Variants in FOXK1 observed in about 807,000 individuals in gnomAD.
FOXK1 encodes the protein forkhead box protein K1.
Under a neutral mutation model 51.9 loss-of-function variants are expected in FOXK1, and 19 were observed. That is an observed-to-expected ratio of 0.37 (90% CI 0.26 to 0.54). The LOEUF (loss-of-function observed/expected upper bound fraction) is 0.54, where lower values mean the gene tolerates loss of function less well. Ranked by LOEUF, FOXK1 falls within the 20% of genes least tolerant of loss-of-function variation. The pLI, the probability that FOXK1 is intolerant of heterozygous loss-of-function variation, is 0.87. For synonymous variants in FOXK1, 537 were observed against 482.6 expected, an observed-to-expected ratio of 1.11 and a Z score of -1.48; for missense variants, 870 against 1,032.7, an observed-to-expected ratio of 0.84 and a Z score of 2.16.
chr7:4,706,166 G>A (rs1780099813), intron 1 of FOXK1, among the ~76,000 whole-genome samples: 1 of 151,738 alleles, frequency 6.6e-6, no homozygotes, highest in African/African-American at 2.4e-5. Context: ...AGGTAACAGC[G>A]AACGTCATTT....
chr7:4,729,483 G>A lies in FOXK1; in HGVS notation c.561-11355G>A, dbSNP rs528926190. ...GGATTTTGAAGGAGCTGTGAACACC[G>A]AGGGTGCCGTCCTCGCCTGTGCTGC... On this transcript the variant is annotated intron_variant, in intron 1 of 8. Transcript: ENST00000328914. This position sits in a 1 kb window ranked among gnomAD's most constrained non-coding sequence, Gnocchi z 6.2. Among the ~76,000 whole-genome samples, 565 of 152,262 alleles carry A rather than the reference G, an allele frequency of 3.7e-3. 3 individuals are homozygous for A. The highest frequency in any genetic ancestry group is 0.013 in the African/African-American group (531 of 41,558).
intron 1 of FOXK1, among the ~76,000 whole-genome samples, chr7:4,704,621 C>T (rs58994313): frequency 0.053 from 8,087 of 152,022 alleles, 698 homozygotes; most frequent in African/African-American, 0.18. Context: ...CCACGCAGCA[C>T]GCAGCAGGAG....
intron 1 of FOXK1, among the ~76,000 whole-genome samples, chr7:4,712,396 G>C (rs775418351): frequency 1.3e-5 from 2 of 152,170 alleles, no homozygotes; most frequent in Non-Finnish European, 2.9e-5. Flanking sequence ...CCGTTCCTTG[G>C]AGTGAAGGCT....
chr7:4,733,793 C>T lies in FOXK1; in HGVS notation c.561-7045C>T, dbSNP rs1006174848. The stretch of plus-strand genomic sequence containing the variant: ...TGTTTCTCTCACGGGAGAGGCTGCT[C>T]TGAGGTCCCCGAAGCTGCAGGCTGG... On this transcript the variant is annotated intron_variant, in intron 1 of 8. Transcript: ENST00000328914. The surrounding 1 kb of genome is among the most constrained non-coding windows in gnomAD (Gnocchi z 5.0). 2.0e-5 allele frequency among the ~76,000 whole-genome samples: 3 copies of T among 152,236 alleles called. No individual in the cohort carries two copies. Among genetic ancestry groups the T allele is most frequent in the Non-Finnish European group, 4.4e-5 (3 of 68,032 alleles).
chr7:4,741,110 A>C, intron 2 of FOXK1, 87 bp downstream of exon 2: 3 of 970,872 alleles, frequency 3.1e-6, no homozygotes, highest in Non-Finnish European at 4.3e-6. Context: ...CCGGGTTCCA[A>C]ATCTCTCTGG....
Position 4,743,030 on chromosome 7 carries a change from A to G in FOXK1, c.746+2007A>G, listed in dbSNP as rs1780655167. ...CTCTGTGCGGTCACTTCAGCCCCCC[A>G]CCTTCCCGGGCCCGGTTCCCGTCTG... is the stretch of plus-strand genomic sequence containing the variant. On this transcript the variant is annotated intron_variant, in intron 2 of 8. Transcript: ENST00000328914. The surrounding 1 kb of genome is among the most constrained non-coding windows in gnomAD (Gnocchi z 5.3). Among the ~76,000 whole-genome samples, 1 of 151,758 alleles carries G rather than the reference A, an allele frequency of 6.6e-6. No homozygotes were observed. The highest frequency in any genetic ancestry group is 6.6e-5 in the Admixed American group (1 of 15,238).
intron 1 of FOXK1, among the ~76,000 whole-genome samples, chr7:4,724,580 A>T (rs188920700): frequency 1.3e-5 from 2 of 152,068 alleles, no homozygotes; most frequent in African/African-American, 4.8e-5. Flanking sequence ...AAATGTGTCA[A>T]TCAGGGGTCT....
intron 1 of FOXK1, among the ~76,000 whole-genome samples, chr7:4,702,798 C>A (rs964339003): frequency 3.9e-5 from 6 of 152,162 alleles, no homozygotes; most frequent in African/African-American, 1.4e-4. Context: ...TGGGTGTAGC[C>A]CCCCATCCTG....
intron 1 of FOXK1, among the ~76,000 whole-genome samples, chr7:4,732,990 T>C (rs1330570157): frequency 6.6e-6 from 1 of 152,164 alleles, no homozygotes; most frequent in Non-Finnish European, 1.5e-5. Flanking sequence ...ATTCCTGTCC[T>C]TCAGTTCTCC....
rs1194609891 is a variant in FOXK1 at position 4,748,001 on chromosome 7, A to G, written c.747-6458A>G. 6.6e-6 allele frequency among the ~76,000 whole-genome samples: 1 copy of G among 152,206 alleles called. No individual in the cohort carries two copies. Among genetic ancestry groups the G allele is most frequent in the East Asian group, 1.9e-4 (1 of 5,204 alleles). On this transcript the variant is annotated intron_variant, in intron 2 of 8. Transcript: ENST00000328914. This position sits in a 1 kb window ranked among gnomAD's most constrained non-coding sequence, Gnocchi z 4.9. ...GGAGCAATCCACTAGTTAATTTTTA[A>G]AAATAGCTTCCCAGCATTTTACAAT... is the stretch of plus-strand genomic sequence containing the variant.
chr7:4,756,854 C>T lies in FOXK1; in HGVS notation c.1051-140C>T. ...TGCCTCGGTGCTGCTCCCGTGAGGC[C>T]CAGCCAGCACAGCACCAAGGGCTCT... On this transcript the variant is annotated intron_variant, in intron 4 of 8. Transcript: ENST00000328914. This position sits in a 1 kb window ranked among gnomAD's most constrained non-coding sequence, Gnocchi z 4.1. 2 of 851,236 alleles carry T rather than the reference C, an allele frequency of 2.3e-6. No homozygotes were observed. Among genetic ancestry groups the T allele is most frequent in the South Asian group, 1.7e-5 (1 of 57,588 alleles). 52.7% of individuals were successfully genotyped at this position (851,236 alleles called of 1,614,324 possible).
At position 4,689,221 on chromosome 7, in the gene FOXK1, G is replaced by A. The variant is rs572869548; in HGVS notation, c.560+6353G>A. 4.6e-5 allele frequency among the ~76,000 whole-genome samples: 7 copies of A among 152,130 alleles called. No individual in the cohort carries two copies. In the East Asian group the frequency reaches 1.4e-3, roughly 29 times the overall value. ...TTGAACTCCTGACCTCAGGTGATCCGCCCACCTCAGCCTCCCAGAGTGCCG... is the reference window on the plus strand; with the variant it reads ...TTGAACTCCTGACCTCAGGTGATCCACCCACCTCAGCCTCCCAGAGTGCCG... On this transcript the variant is annotated intron_variant, in intron 1 of 8. Coordinates refer to ENST00000328914, the MANE Select transcript of FOXK1 (RefSeq NM_001037165.2).
intron 1 of FOXK1, among the ~76,000 whole-genome samples, chr7:4,693,237 G>A (rs141039364): frequency 2.0e-5 from 3 of 152,278 alleles, no homozygotes; most frequent in Non-Finnish European, 4.4e-5. Flanking sequence ...TCAGCTGATA[G>A]TTAAACTTGA....
At chr7:4,728,186 C>T (rs926667824) in intron 1 of FOXK1, among the ~76,000 whole-genome samples, 3 of 152,182 alleles carry the variant, frequency 2.0e-5, no homozygotes, top group Non-Finnish European at 4.4e-5. Context: ...TGACACGACT[C>T]TTTCTTGCCT....
rs1441448152 is a variant in FOXK1 at position 4,683,456 on chromosome 7, C to T, written c.560+588C>T. On this transcript the variant is annotated intron_variant, in intron 1 of 8. Coordinates refer to ENST00000328914, the MANE Select transcript of FOXK1 (RefSeq NM_001037165.2). The surrounding 1 kb of genome is among the most constrained non-coding windows in gnomAD (Gnocchi z 4.5). ...CCGGAGTCACCCCTGACCGCTAACC[C>T]CACAAGCCTGGGCTCGCAGGGCCAC... is the stretch of plus-strand genomic sequence containing the variant. Among the ~76,000 whole-genome samples the T allele has an allele frequency of 6.6e-6, 1 of 151,990 alleles. No individual in the cohort carries two copies. The highest frequency in any genetic ancestry group is 1.5e-5 in the Non-Finnish European group (1 of 67,958).
chr7:4,742,715 C>A (rs1304913463), intron 2 of FOXK1, among the ~76,000 whole-genome samples: 1 of 152,228 alleles, frequency 6.6e-6, no homozygotes, highest in Non-Finnish European at 1.5e-5. Context: ...ACACACCCAG[C>A]CCGTACATGG....
intron 1 of FOXK1, among the ~76,000 whole-genome samples, chr7:4,725,661 A>T (rs1431272692): frequency 6.6e-6 from 1 of 152,250 alleles, no homozygotes; most frequent in Non-Finnish European, 1.5e-5. Context: ...ACTGCTTGGC[A>T]GTGGACACAC....
At chr7:4,744,677 C>G (rs1583206108) in intron 2 of FOXK1, among the ~76,000 whole-genome samples, 1 of 152,264 alleles carries the variant, frequency 6.6e-6, no homozygotes, top group Non-Finnish European at 1.5e-5. Context: ...TGGCGGCCTC[C>G]TGTGACTGCG....
Position 4,709,430 on chromosome 7 carries a change from A to G in FOXK1, c.560+26562A>G, listed in dbSNP as rs1055845251. Among the ~76,000 whole-genome samples the G allele has an allele frequency of 5.3e-5, 8 of 152,134 alleles. No individual in the cohort carries two copies. The highest frequency in any genetic ancestry group is 2.9e-5 in the Non-Finnish European group (2 of 68,014). ...GGCTCTTCCCAAGCGCACAGTCCAC[A>G]TAGGCTGCTTATCTGGACTCGATGT... On this transcript the variant is annotated intron_variant, in intron 1 of 8. Transcript: ENST00000328914. This position sits in a 1 kb window ranked among gnomAD's most constrained non-coding sequence, Gnocchi z 5.6.
Sources: allele counts gnomAD v4.1 joint callset (sites outside exome capture counted in the v4.1 genomes callset), GRCh38; gene constraint gnomAD v4.1.1; non-coding constraint Gnocchi (gnomAD v3.1); transcripts MANE v1.5; gene names NCBI Gene and HGNC (gene_info 2026-07-23, HGNC 2026-07-21).